DCC: variants seen among roughly 807,000 people sequenced by gnomAD.
The protein encoded by DCC is DCC netrin 1 receptor.
Under a neutral mutation model 172.5 loss-of-function variants are expected in DCC, and 58 were observed. That is an observed-to-expected ratio of 0.34 (90% CI 0.27 to 0.42). The LOEUF (loss-of-function observed/expected upper bound fraction) is 0.42. Among genes scored for constraint, DCC ranks in the 10% least tolerant of loss-of-function variants. DCC has a pLI of 1.00. For missense variants in DCC, 1,740 were observed against 1,791.0 expected (o/e 0.97, Z 0.51); for synonymous variants, 709 against 644.5 (o/e 1.10, Z -1.52).
chr18:53,505,047 C>T (rs1050765388), intron 27 of DCC, among the ~76,000 whole-genome samples: 2 of 152,032 alleles, frequency 1.3e-5, no homozygotes, highest in East Asian at 1.9e-4. Context: ...TTCTAGGATC[C>T]TAATAATTAA....
chr18:53,256,562 T>C (rs2056519177), intron 12 of DCC, among the ~76,000 whole-genome samples: 1 of 152,140 alleles, frequency 6.6e-6, no homozygotes, highest in Admixed American at 6.6e-5. Context: ...TTCTGTTCCA[T>C]TGGTCTATAT....
At chr18:53,132,082 T>A (rs1046486679) in intron 7 of DCC, among the ~76,000 whole-genome samples, 9 of 151,438 alleles carry the variant, frequency 5.9e-5, no homozygotes, top group Non-Finnish European at 7.4e-5. Flanking sequence ...AGTGAAAGTG[T>A]GTCTTCTCGC....
chr18:53,356,455 T>C (rs2057878989), intron 15 of DCC, among the ~76,000 whole-genome samples: 1 of 152,238 alleles, frequency 6.6e-6, no homozygotes, highest in South Asian at 2.1e-4. Flanking sequence ...CATGCAGTTA[T>C]GTTACTTTGA....
intron 2 of DCC, among the ~76,000 whole-genome samples, chr18:52,883,576 C>T (rs931486131): frequency 6.6e-6 from 1 of 151,974 alleles, no homozygotes; most frequent in African/African-American, 2.4e-5. Flanking sequence ...CATAAACAAA[C>T]AAGCAAAATG....
chr18:52,543,826 T>C (rs1311992342), intron 1 of DCC, among the ~76,000 whole-genome samples: 5 of 152,182 alleles, frequency 3.3e-5, no homozygotes, highest in African/African-American at 1.2e-4. Flanking sequence ...GAGCATCCTG[T>C]TGAGGCACTT....
intron 2 of DCC, among the ~76,000 whole-genome samples, chr18:52,805,184 G>A (rs1189260375): frequency 1.3e-5 from 2 of 152,148 alleles, no homozygotes; most frequent in Non-Finnish European, 2.9e-5. Flanking sequence ...GAGACTCAAT[G>A]TATAATCTCT....
chr18:53,064,353 C>A (rs552905720), intron 6 of DCC, among the ~76,000 whole-genome samples: 2 of 152,124 alleles, frequency 1.3e-5, no homozygotes, highest in Non-Finnish European at 2.9e-5. Context: ...ATGTAAAGTT[C>A]TTTTCAAATA....
chr18:52,785,507 G>A (rs1003478357), intron 2 of DCC, among the ~76,000 whole-genome samples: 7 of 151,930 alleles, frequency 4.6e-5, no homozygotes, highest in Admixed American at 1.3e-4. Context: ...ACTTTTTCTG[G>A]CTACTTCCTG....
At chr18:53,224,171 T>C (rs1329226546) in intron 12 of DCC, among the ~76,000 whole-genome samples, 1 of 152,126 alleles carries the variant, frequency 6.6e-6, no homozygotes, top group Non-Finnish European at 1.5e-5. Context: ...AGTCATGCGA[T>C]AGAATTTGAG....
At chr18:53,206,826 T>C (rs746450534) in intron 10 of DCC, among the ~76,000 whole-genome samples, 23 of 151,524 alleles carry the variant, frequency 1.5e-4, no homozygotes, top group Non-Finnish European at 3.4e-4. Flanking sequence ...TTGTCAAGCA[T>C]AGAAAGGCCT....
chr18:53,146,915 G>A (rs1393784181), intron 7 of DCC, among the ~76,000 whole-genome samples: 1 of 151,816 alleles, frequency 6.6e-6, no homozygotes, highest in East Asian at 1.9e-4. Flanking sequence ...GGATCTTTAG[G>A]TAAATAATAC....
At chr18:52,716,868 T>C (rs533586243) in intron 1 of DCC, among the ~76,000 whole-genome samples, 3 of 152,284 alleles carry the variant, frequency 2.0e-5, no homozygotes, top group Admixed American at 2.0e-4. Flanking sequence ...AATTTGCACT[T>C]TTTGATTGTT....
intron 1 of DCC, among the ~76,000 whole-genome samples, chr18:52,740,592 C>T (rs2036806251): frequency 6.6e-6 from 1 of 152,176 alleles, no homozygotes; most frequent in Non-Finnish European, 1.5e-5. Flanking sequence ...CCTGTCAGAC[C>T]TTTGTGGAAT....
chr18:53,379,348 A>G (rs1907547338), intron 15 of DCC, among the ~76,000 whole-genome samples: 1 of 152,254 alleles, frequency 6.6e-6, no homozygotes, highest in African/African-American at 2.4e-5. Flanking sequence ...GTAATGAATA[A>G]AGGACTCTGG....
Position 53,073,594 on chromosome 18 carries a change from A to G in DCC, c.1261+7428A>G, listed in dbSNP as rs563902271. Among the ~76,000 whole-genome samples the G allele has an allele frequency of 2.5e-3, 383 of 152,240 alleles. 1 individual carries two copies. Among genetic ancestry groups the G allele is most frequent in the Non-Finnish European group, 3.7e-3 (254 of 67,990 alleles). On this transcript the variant is annotated intron_variant, in intron 7 of 28. Coordinates refer to ENST00000442544, the MANE Select transcript of DCC (RefSeq NM_005215.4). The stretch of plus-strand genomic sequence containing the variant: ...CTGGTTTTATTTTTTTCCCTCTAAC[A>G]TTGGTTAAAAAAAATAGTTTCACTG...
intron 25 of DCC, among the ~76,000 whole-genome samples, chr18:53,477,977 A>C (rs1038040042): frequency 6.6e-6 from 1 of 152,218 alleles, no homozygotes; most frequent in African/African-American, 2.4e-5. Flanking sequence ...TTCTTACTAT[A>C]ATGAAATTAA....
chr18:53,388,193 G>T (rs944431076), intron 16 of DCC, among the ~76,000 whole-genome samples: 1 of 152,224 alleles, frequency 6.6e-6, no homozygotes, highest in African/African-American at 2.4e-5. Context: ...GGTTCGAGAA[G>T]AATGCGTGAT....
chr18:53,053,849 T>C (rs2042366871), intron 5 of DCC, among the ~76,000 whole-genome samples: 1 of 152,160 alleles, frequency 6.6e-6, no homozygotes, highest in African/African-American at 2.4e-5. Flanking sequence ...TCTCATTTAG[T>C]TCACAGCTAA....
At chr18:53,431,846 A>G (rs982040587) in intron 21 of DCC, among the ~76,000 whole-genome samples, 1 of 152,182 alleles carries the variant, frequency 6.6e-6, no homozygotes, top group Non-Finnish European at 1.5e-5. Context: ...AAAGGAAAAA[A>G]TAAACTACTG....
Sources: allele counts gnomAD v4.1 joint callset (sites outside exome capture counted in the v4.1 genomes callset), GRCh38; gene constraint gnomAD v4.1.1; transcripts MANE v1.5; gene names NCBI Gene and HGNC (gene_info 2026-07-23, HGNC 2026-07-21).